DACH1: variants seen among roughly 807,000 people sequenced by gnomAD.
The protein encoded by DACH1 is dachshund homolog 1.
DACH1 carries 12 observed loss-of-function variants against 54.2 expected under a neutral mutation model. The ratio of observed to expected loss-of-function variants is 0.22; its 90% CI spans 0.14 to 0.36. DACH1 has a LOEUF of 0.36. DACH1 is among the 10% of genes least tolerant of loss of function. The pLI is 1.00. For missense variants in DACH1, 805 were observed against 929.8 expected, an observed-to-expected ratio of 0.87 and a Z score of 1.75; for synonymous variants, 386 against 366.2, an observed-to-expected ratio of 1.05 and a Z score of -0.62.
At chr13:71,784,026 A>G (rs1166854695) in intron 1 of DACH1, among the ~76,000 whole-genome samples, 4 of 151,874 alleles carry the variant, frequency 2.6e-5, no homozygotes, top group Admixed American at 2.6e-4. Context: ...TAAAAGTAAA[A>G]ACTTATTGAG....
chr13:71,733,156 G>T (rs1314043350), intron 1 of DACH1, among the ~76,000 whole-genome samples: 5 of 152,014 alleles, frequency 3.3e-5, no homozygotes, highest in Non-Finnish European at 5.9e-5. Flanking sequence ...CTACTATTTG[G>T]GGGTTTTTTG....
At chr13:71,762,206 G>A (rs1199449965) in intron 1 of DACH1, among the ~76,000 whole-genome samples, 1 of 151,946 alleles carries the variant, frequency 6.6e-6, no homozygotes, top group East Asian at 1.9e-4. Context: ...CACTTAAATC[G>A]ACTTACTCCC....
intron 2 of DACH1, among the ~76,000 whole-genome samples, chr13:71,670,555 AGT>A (rs1388112794): frequency 6.6e-6 from 1 of 152,120 alleles, no homozygotes; most frequent in African/African-American, 2.4e-5. Flanking sequence ...ACCAAATTTC[AGT>A]GTTATGAAAT....
intron 6 of DACH1, among the ~76,000 whole-genome samples, chr13:71,555,426 C>T (rs1884179814): frequency 6.6e-6 from 1 of 151,994 alleles, no homozygotes. Context: ...TTACTGCAAC[C>T]TCTGCCTCCA....
intron 10 of DACH1, among the ~76,000 whole-genome samples, chr13:71,451,799 A>T (rs1566267133): frequency 6.6e-6 from 1 of 152,240 alleles, no homozygotes; most frequent in Non-Finnish European, 1.5e-5. Context: ...GTCAAATGAC[A>T]AAATTGGAAG....
chr13:71,466,891 T>C (rs1205744820), intron 10 of DACH1, among the ~76,000 whole-genome samples: 2 of 144,522 alleles, frequency 1.4e-5, no homozygotes, highest in Admixed American at 1.4e-4. Flanking sequence ...CAAACTAAGC[T>C]CAATCATTAT....
intron 2 of DACH1, among the ~76,000 whole-genome samples, chr13:71,647,930 T>C (rs1594041727): frequency 1.3e-5 from 2 of 152,214 alleles, no homozygotes; most frequent in African/African-American, 2.4e-5. Flanking sequence ...GATAATATCA[T>C]TGTTGTTTTC....
intron 6 of DACH1, among the ~76,000 whole-genome samples, chr13:71,495,298 G>T (rs530345263): frequency 6.6e-6 from 1 of 152,016 alleles, no homozygotes; most frequent in East Asian, 1.9e-4. Context: ...TACTGGCAAA[G>T]TGAAGAAGAT....
At chr13:71,683,362 A>T (rs1316275025) in intron 1 of DACH1, among the ~76,000 whole-genome samples, 2 of 152,178 alleles carry the variant, frequency 1.3e-5, no homozygotes, top group Admixed American at 6.5e-5. Flanking sequence ...ACATTAGAAG[A>T]CAATTCTGAA....
intron 1 of DACH1, among the ~76,000 whole-genome samples, chr13:71,759,082 T>G (rs1243845113): frequency 6.6e-6 from 1 of 152,164 alleles, no homozygotes; most frequent in South Asian, 2.1e-4. Context: ...CTGGAACTTT[T>G]GGACAATGCT....
intron 2 of DACH1, among the ~76,000 whole-genome samples, chr13:71,643,272 G>C (rs1045862418): frequency 6.6e-6 from 1 of 152,038 alleles, no homozygotes; most frequent in African/African-American, 2.4e-5. Context: ...GGAATATGTG[G>C]CATAATGACA....
At chr13:71,754,166 C>T (rs1175124397) in intron 1 of DACH1, among the ~76,000 whole-genome samples, 4 of 152,010 alleles carry the variant, frequency 2.6e-5, no homozygotes, top group African/African-American at 7.3e-5. Flanking sequence ...AAGTTCCAGA[C>T]TGTTCTATTA....
intron 2 of DACH1, among the ~76,000 whole-genome samples, chr13:71,677,171 CG>C (rs557600750): frequency 3.3e-5 from 5 of 152,036 alleles, no homozygotes; most frequent in Non-Finnish European, 2.9e-5. Flanking sequence ...TTTAAATAGA[CG>C]TCATCTTATA....
In DACH1 at chr13:71,621,580, T is replaced by C. The variant is rs1876237615; in HGVS notation, c.1126+8976A>G. 2.0e-5 allele frequency among the ~76,000 whole-genome samples: 3 copies of C among 152,152 alleles called. No individual in the cohort carries two copies. In the South Asian group the frequency reaches 6.2e-4, roughly 32 times the overall value. On this transcript the variant is annotated intron_variant, in intron 3 of 10. Transcript: ENST00000613252. ...ATGTAAAGAAATAAAAAAGGCTTTC[T>C]AACCAAGAAATCTTTTGTGCAACAT... is the stretch of plus-strand genomic sequence containing the variant.
chr13:71,545,915 T>G (rs1417138029), intron 6 of DACH1, among the ~76,000 whole-genome samples: 1 of 152,044 alleles, frequency 6.6e-6, no homozygotes, highest in Non-Finnish European at 1.5e-5. Flanking sequence ...TGATTTGAAA[T>G]CAAGGCAGAG....
chr13:71,773,666 C>A (rs567526586), intron 1 of DACH1, among the ~76,000 whole-genome samples: 2 of 152,026 alleles, frequency 1.3e-5, no homozygotes, highest in African/African-American at 4.8e-5. Context: ...ACAATAAAAT[C>A]CCTTCTTAAG....
chr13:71,563,745 T>C (rs535306255), intron 4 of DACH1, among the ~76,000 whole-genome samples: 1 of 151,616 alleles, frequency 6.6e-6, no homozygotes, highest in Non-Finnish European at 1.5e-5. Flanking sequence ...AGTAAAATAA[T>C]AGTATTTAAT....
At chr13:71,853,972 G>T (rs1298920381) in intron 1 of DACH1, among the ~76,000 whole-genome samples, 1 of 151,926 alleles carries the variant, frequency 6.6e-6, no homozygotes, top group Non-Finnish European at 1.5e-5. Flanking sequence ...ATGTGAAACT[G>T]ATCAAGAGAT....
chr13:71,788,288 G>C lies in DACH1; in HGVS notation c.848+77634C>G, dbSNP rs146971175. Among the ~76,000 whole-genome samples the C allele has an allele frequency of 5.9e-5, 9 of 152,224 alleles. No individual in the cohort carries two copies. The East Asian group carries it at 1.7e-3, about 29-fold the overall frequency. ...TCTATGAAACAAAGAGGTGGGATTA[G>C]AGACACTCTAATGTTCTTTCCAATT... On this transcript the variant is annotated intron_variant, in intron 1 of 10. Coordinates refer to ENST00000613252, the MANE Select transcript of DACH1 (RefSeq NM_080759.6).
Sources: gnomAD v4.1 joint callset for allele counts (sites outside exome capture counted in the v4.1 genomes callset) on GRCh38, gnomAD v4.1.1 for gene constraint, MANE v1.5 for transcripts, NCBI Gene and HGNC (gene_info 2026-07-23, HGNC 2026-07-21) for gene names.